The following HGFAC variants were observed in gnomAD, a reference collection of about 807,000 sequenced individuals.
HGFAC encodes the protein HGF activator.
HGFAC carries 76 observed loss-of-function variants against 70.6 expected under a neutral mutation model. That is an observed-to-expected ratio of 1.08 (90% CI 0.89 to 1.30). The LOEUF (loss-of-function observed/expected upper bound fraction) is 1.30. Among genes scored for constraint, HGFAC ranks in the 50% most tolerant of loss-of-function variants. The pLI, the probability that HGFAC is intolerant of heterozygous loss-of-function variation, is 0.00. For missense variants in HGFAC, 1,044 were observed against 933.7 expected, an observed-to-expected ratio of 1.12 and a Z score of -1.54; for synonymous variants, 464 against 405.3, an observed-to-expected ratio of 1.14 and a Z score of -1.74.
chr4:3,445,191 T>G, intron 8 of HGFAC, 74 bp from the exon 9 acceptor site: 1 of 1,379,222 alleles, frequency 7.3e-7, no homozygotes, highest in Non-Finnish European at 1.0e-6. Flanking sequence ...CTGCTGGGGG[T>G]TCCGATGCCC....
Position 3,445,350 on chromosome 4 carries a change from G to C in HGFAC, c.1102G>C (p.Glu368Gln). ...GGAGTACTGCCGCCTGGAGGCCTGCGGTGCGCGGCTGGCGGGGGGTGCTGC... is the reference window on the plus strand; with the variant it reads ...GGAGTACTGCCGCCTGGAGGCCTGCCGTGCGCGGCTGGCGGGGGGTGCTGC... ...SWEYCRLEAC[E>Q]SLTRVQLSPD... is the part of the protein sequence containing the mutation. The change falls in exon 9 of 14, where the codon GAA becomes CAA. Residue 368 changes from glutamate (E) to glutamine (Q), a missense_variant and splice_region_variant. By Grantham distance (29) the Glu-to-Gln change is conservative. Coordinates refer to ENST00000382774, the MANE Select transcript of HGFAC (RefSeq NM_001528.4). 1 of 1,567,900 alleles carries C rather than the reference G, an allele frequency of 6.4e-7. No individual in the cohort carries two copies. The highest frequency in any genetic ancestry group is 1.2e-5 in the South Asian group (1 of 85,128).
intron 4 of HGFAC, 75 bp downstream of exon 4, chr4:3,443,495 G>T (rs543008226): frequency 1.4e-4 from 131 of 922,500 alleles, no homozygotes; most frequent in South Asian, 4.1e-4. Context: ...GGGAGGATGG[G>T]GCGGACCCGG....
At position 3,444,423 on chromosome 4, in the gene HGFAC, C is replaced by T. The variant is rs201082880; in HGVS notation, c.711C>T (p.Cys237=). 1.0e-5 allele frequency: 16 copies of T among 1,599,472 alleles called. No homozygotes were observed. Among genetic ancestry groups the T allele is most frequent in the Admixed American group, 3.4e-5 (2 of 58,466 alleles). ...QCECFGGRTW[C]EGTRHTACLS... is the part of the protein sequence containing the mutation. ...AGTGCTTCGGGGGCCGGACCTGGTG[C>T]GAAGGCACCCGACATACAGGTGCGC... Residue 237 remains cysteine, a synonymous_variant, in exon 6 of 14, where the codon TGC becomes TGT. Coordinates refer to ENST00000382774, the MANE Select transcript of HGFAC (RefSeq NM_001528.4).
chr4:3,442,700 T>C, intron 1 of HGFAC, 32 bp from the exon 2 acceptor site: 1 of 1,437,838 alleles, frequency 7.0e-7, no homozygotes, highest in Non-Finnish European at 9.2e-7. Context: ...TGAGGGTCTG[T>C]CCCACACTGA....
At chr4:3,442,208 A>G in intron 1 of HGFAC, 90 bp downstream of exon 1, 1 of 973,740 alleles carries the variant, frequency 1.0e-6, no homozygotes, top group Non-Finnish European at 1.5e-6. Context: ...GTCGCCACAG[A>G]GCGTGGGGAT....
chr4:3,444,186 A>T (rs745902639), intron 5 of HGFAC, 25 bp downstream of exon 5: 5 of 1,576,376 alleles, frequency 3.2e-6, no homozygotes, highest in Non-Finnish European at 2.6e-6. Context: ...GGAGGTCCGC[A>T]GGGGTCCAGG....
At chr4:3,447,453 G>A in intron 10 of HGFAC, 39 bp from the exon 11 acceptor site, 1 of 1,608,206 alleles carries the variant, frequency 6.2e-7, no homozygotes, top group Non-Finnish European at 8.5e-7. Context: ...GTGGCTGGGG[G>A]AGGGCTGGTC....
Position 3,449,425 on chromosome 4 carries a change from C to A in HGFAC, c.*6C>A. 1 of 1,527,554 alleles carries A rather than the reference C, an allele frequency of 6.5e-7. No individual in the cohort carries two copies. The allele number at this position is 1,527,554 out of a possible 1,614,324, so 94.6% of individuals were successfully genotyped here. On this transcript the variant is annotated 3_prime_UTR_variant, in exon 14 of 14. Transcript: ENST00000382774. ...GGCTTGTGGCTCCCTCCTGACCCTC[C>A]AGCGGGACACCCTGGTTCCCACCAT...
At chr4:3,447,774 C>T in intron 11 of HGFAC, 121 bp from the exon 12 acceptor site, 1 of 1,526,548 alleles carries the variant, frequency 6.6e-7, no homozygotes, top group Admixed American at 1.7e-5. Context: ...GCACCGCTCC[C>T]TTCTGGATCT....
In HGFAC at chr4:3,444,625, T is replaced by A. The variant is rs758454671; in HGVS notation, c.733T>A (p.Cys245Ser). 5.0e-6 allele frequency: 8 copies of A among 1,592,980 alleles called. 1 individual carries two copies. The highest frequency in any genetic ancestry group is 8.5e-7 in the Non-Finnish European group (1 of 1,175,604). The change falls in exon 7 of 14, where the codon TGT (cysteine) becomes AGT (serine). Residue 245 changes from cysteine (C) to serine (S), a missense_variant and splice_region_variant. Cys to Ser is a moderately radical substitution (Grantham distance 112). Transcript: ENST00000382774. ...TWCEGTRHTA[C>S]LSSPCLNGGT... The stretch of plus-strand genomic sequence containing the variant: ...CAGCTCCTCGGCCCTGCCCCCAGCT[T>A]GTCTGAGCAGCCCTTGCCTGAACGG...
In HGFAC at chr4:3,443,060, G is replaced by C. The variant is rs1017568107; in HGVS notation, c.309G>C (p.Glu103Asp). ...ACCCCCTCCCCACAGCACTCACCGA[G>C]GACGGGAGGCCCTGCAGGTTCCCCT... ...SSSPQAQALT[E>D]DGRPCRFPFR... Residue 103 changes from glutamate to aspartate, a missense_variant, in exon 3 of 14, where the codon GAG (glutamate) becomes GAC (aspartate). Transcript: ENST00000382774. 10 of 1,598,994 alleles carry C rather than the reference G, an allele frequency of 6.3e-6. No individual in the cohort carries two copies. The highest frequency in any genetic ancestry group is 8.5e-6 in the Non-Finnish European group (10 of 1,178,366).
In HGFAC at chr4:3,444,111, C is replaced by G; in HGVS notation, c.548C>G (p.Ser183Cys). The part of the protein sequence containing the change: ...GSCSNTQDPQ[S>C]YHCSCPRAFT... The stretch of plus-strand genomic sequence containing the variant: ...TGCTCCAATACCCAGGACCCCCAGT[C>G]CTATCACTGCAGCTGCCCCCGGGCC... Residue 183 changes from serine (S) to cysteine (C), a missense_variant, in exon 5 of 14, where the codon TCC becomes TGC. Transcript: ENST00000382774. 5 of 1,612,248 alleles carry G rather than the reference C, an allele frequency of 3.1e-6. No individual in the cohort carries two copies. Among genetic ancestry groups the G allele is most frequent in the Non-Finnish European group, 4.2e-6 (5 of 1,179,706 alleles).
chr4:3,444,213 C>A, intron 5 of HGFAC, 52 bp downstream of exon 5: 1 of 1,565,016 alleles, frequency 6.4e-7, no homozygotes, highest in Non-Finnish European at 8.7e-7. Flanking sequence ...AGCAAGTCCC[C>A]GGAGGATGGG....
At chr4:3,446,628 G>GGAGCCAGGGAGCGCAGT (rs1725523830) in intron 10 of HGFAC, among the ~76,000 whole-genome samples, 1 of 152,136 alleles carries the variant, frequency 6.6e-6, no homozygotes, top group Admixed American at 6.5e-5. Context: ...CTCTCAGTAG[G>GGAGCCAGGGAGCGCAGT]GAGCCAGGGA....
chr4:3,444,558 G>A, intron 6 of HGFAC, 65 bp from the exon 7 acceptor site: 1 of 1,507,348 alleles, frequency 6.6e-7, no homozygotes, highest in Non-Finnish European at 8.9e-7. Flanking sequence ...GTGGACCCCG[G>A]CCCCGACTCC....
Position 3,444,320 on chromosome 4 carries a change from T to G in HGFAC, c.608T>G (p.Phe203Cys). ...ACTGTGCACCCCTCAGAGAAATGCT[T>G]TGATGAGACCCGCTACGAGTACCTG... ...TGKDCGTEKCFDETRYEYLEG... is the reference protein window; with the variant it reads ...TGKDCGTEKCCDETRYEYLEG... Residue 203 changes from phenylalanine (F) to cysteine (C), a missense_variant, in exon 6 of 14, where the codon TTT becomes TGT. Phe to Cys is a radical substitution (Grantham distance 205). Coordinates refer to ENST00000382774, the MANE Select transcript of HGFAC (RefSeq NM_001528.4). 6.3e-7 allele frequency: 1 copy of G among 1,591,472 alleles called. No homozygotes were observed. Among genetic ancestry groups the G allele is most frequent in the Non-Finnish European group, 8.5e-7 (1 of 1,170,024 alleles).
At position 3,444,093 on chromosome 4, in the gene HGFAC, A is replaced by C. The variant is rs752145574; in HGVS notation, c.530A>C (p.Asn177Thr). The C allele has an allele frequency of 4.3e-6, 7 of 1,611,864 alleles. No homozygotes were observed. Among genetic ancestry groups the C allele is most frequent in the Non-Finnish European group, 5.9e-6 (7 of 1,179,620 alleles). The change falls in exon 5 of 14, where the codon AAT becomes ACT. Residue 177 changes from asparagine (N) to threonine (T), a missense_variant. By Grantham distance (65) the Asn-to-Thr change is moderately conservative. Transcript: ENST00000382774. ...TGCCTCAATGGAGGCTCCTGCTCCAATACCCAGGACCCCCAGTCCTATCAC... is the reference window on the plus strand; with the variant it reads ...TGCCTCAATGGAGGCTCCTGCTCCACTACCCAGGACCCCCAGTCCTATCAC... Reference protein sequence around the residue: ...GPCLNGGSCSNTQDPQSYHCS... With the variant: ...GPCLNGGSCSTTQDPQSYHCS...
Position 3,443,100 on chromosome 4 carries a change from C to A in HGFAC, c.349C>A (p.Arg117Ser). ...CAGGTTCCCCTTCCGCTACGGGGGC[C>A]GCATGCTGCATGCCTGCACTTCGGA... ...PCRFPFRYGG[R>S]MLHACTSEGS... Residue 117 changes from arginine to serine, a missense_variant, in exon 3 of 14, where the codon CGC becomes AGC. By Grantham distance (110) the Arg-to-Ser change is moderately radical. Coordinates refer to ENST00000382774, the MANE Select transcript of HGFAC (RefSeq NM_001528.4). 6.3e-7 allele frequency: 1 copy of A among 1,596,934 alleles called. No individual in the cohort carries two copies. The highest frequency in any genetic ancestry group is 8.5e-7 in the Non-Finnish European group (1 of 1,177,128).
intron 8 of HGFAC, 63 bp downstream of exon 8, chr4:3,445,056 GC>G (rs1368277783): frequency 1.4e-6 from 2 of 1,464,904 alleles, no homozygotes; most frequent in Admixed American, 2.4e-5. Flanking sequence ...CTGGGGAGAG[GC>G]CCCCCGGCTC....
Sources: allele counts gnomAD v4.1 joint callset (sites outside exome capture counted in the v4.1 genomes callset), GRCh38; gene constraint gnomAD v4.1.1; transcripts MANE v1.5; gene names NCBI Gene and HGNC (gene_info 2026-07-23, HGNC 2026-07-21).